UBA2: variants seen among roughly 807,000 people sequenced by gnomAD.
UBA2 encodes the protein SUMO-activating enzyme subunit 2.
In UBA2, 11 loss-of-function variants were observed where a neutral mutation model predicts 77.2. The observed-to-expected ratio is 0.14, with a 90% CI of 0.09 to 0.24. UBA2 has a LOEUF of 0.24. Among genes scored for constraint, UBA2 ranks in the 10% least tolerant of loss-of-function variants. The pLI, the probability that UBA2 is intolerant of heterozygous loss-of-function variation, is 1.00. For synonymous variants in UBA2, 278 were observed against 276.7 expected (o/e 1.00, Z -0.05); for missense variants, 487 against 781.7 (o/e 0.62, Z 4.50).
chr19:34,438,014 G>A (rs1436237761), intron 5 of UBA2, among the ~76,000 whole-genome samples: 1 of 152,144 alleles, frequency 6.6e-6, no homozygotes, highest in Non-Finnish European at 1.5e-5. Flanking sequence ...TTATGCCACT[G>A]TACTCCAGCC....
At chr19:34,434,223 T>TA (rs1417009714) in intron 4 of UBA2, among the ~76,000 whole-genome samples, 3 of 152,190 alleles carry the variant, frequency 2.0e-5, no homozygotes, top group Non-Finnish European at 4.4e-5. Flanking sequence ...GTGATACTCT[T>TA]ACCTCAACCT....
rs776410820 is a variant in UBA2, at chr19:34,454,238, A to AAC, written c.1039-21_1039-20insCA. On this transcript the variant is annotated intron_variant, in intron 10 of 16. Coordinates refer to ENST00000246548, the MANE Select transcript of UBA2 (RefSeq NM_005499.3). Reference sequence around the variant, plus strand: ...TAGTCAATTTGTGGAGAAACTTGTTAAATTGTTTAAATTATTGGCAGGATG... The same window carrying AAC: ...TAGTCAATTTGTGGAGAAACTTGTTAACAATTGTTTAAATTATTGGCAGGATG... 4 of 1,583,276 alleles carry AAC rather than the reference A, an allele frequency of 2.5e-6. No individual in the cohort carries two copies. In the Admixed American group the frequency reaches 7.3e-5, roughly 29 times the overall value.
At chr19:34,460,665 AGAGAGTG>A in intron 14 of UBA2, 99 bp downstream of exon 14, 1 of 819,310 alleles carries the variant, frequency 1.2e-6, no homozygotes, top group Non-Finnish European at 1.8e-6. Context: ...TCAGTATTGC[AGAGAGTG>A]GCAGTGTTTG....
At chr19:34,443,109 A>G (rs1341833010) in intron 6 of UBA2, among the ~76,000 whole-genome samples, 1 of 152,226 alleles carries the variant, frequency 6.6e-6, no homozygotes, top group Non-Finnish European at 1.5e-5. Flanking sequence ...CTACCATGAA[A>G]AAAAGTTAAT....
chr19:34,465,629 C>T (rs1483531276), intron 15 of UBA2, among the ~76,000 whole-genome samples: 2 of 108,918 alleles, frequency 1.8e-5, no homozygotes, highest in Non-Finnish European at 3.9e-5. Flanking sequence ...GAGGGGGACT[C>T]CATGTCAGAA....
chr19:34,440,925 C>CAA (rs569153016), intron 6 of UBA2, among the ~76,000 whole-genome samples: 89 of 64,342 alleles, frequency 1.4e-3, no homozygotes, highest in Middle Eastern at 9.1e-3. Context: ...GACTCCATCT[C>CAA]AAAAAAAAAA....
rs758774789 is a variant in UBA2, at chr19:34,428,396, C to T, written c.-37C>T. 2 of 1,235,288 alleles carry T rather than the reference C, an allele frequency of 1.6e-6. No individual in the cohort carries two copies. Among genetic ancestry groups the T allele is most frequent in the Non-Finnish European group, 2.0e-6 (2 of 988,520 alleles). The allele number at this position is 1,235,288 out of a possible 1,614,324, so 76.5% of individuals were successfully genotyped here. ...GCTTCCGGCCGCGGCTCGGTTCTCCCGCCTCCGCCTCCGCCGCGGCTCGTG... is the reference window on the plus strand; with the variant it reads ...GCTTCCGGCCGCGGCTCGGTTCTCCTGCCTCCGCCTCCGCCGCGGCTCGTG... On this transcript the variant is annotated 5_prime_UTR_variant, in exon 1 of 17. Transcript: ENST00000246548.
At chr19:34,428,767 C>T (rs1393523238) in intron 1 of UBA2, 197 bp downstream of exon 1, 1 of 1,137,674 alleles carries the variant, frequency 8.8e-7, no homozygotes, top group Non-Finnish European at 1.1e-6. Flanking sequence ...GGCGGGCCTC[C>T]GCTCGCTGGG....
chr19:34,450,508 A>G (rs1205604258), intron 9 of UBA2, 144 bp downstream of exon 9: 2 of 531,220 alleles, frequency 3.8e-6, no homozygotes, highest in African/African-American at 4.0e-5. Flanking sequence ...AAAGTCACTG[A>G]AGTCCCACAC....
chr19:34,455,947 CT>C (rs113812938), intron 12 of UBA2, among the ~76,000 whole-genome samples: 34 of 147,780 alleles, frequency 2.3e-4, no homozygotes, highest in African/African-American at 4.7e-4. Flanking sequence ...TGCGCCCGGC[CT>C]TTTTTTTTTA....
chr19:34,443,175 T>C (rs377689576), intron 6 of UBA2, among the ~76,000 whole-genome samples: 1 of 152,176 alleles, frequency 6.6e-6, no homozygotes, highest in African/African-American at 2.4e-5. Flanking sequence ...CTGAGGTATA[T>C]AATAATGTTT....
chr19:34,436,381 C>T (rs955076216), intron 5 of UBA2, among the ~76,000 whole-genome samples: 1 of 152,096 alleles, frequency 6.6e-6, no homozygotes. Context: ...CTCGCCGCAA[C>T]CTCCGTCTCC....
At chr19:34,432,171 C>T (rs556048470) in intron 3 of UBA2, 9 of 318,026 alleles carry the variant, frequency 2.8e-5, no homozygotes, top group African/African-American at 1.7e-4. Context: ...TTTATAAAGA[C>T]CTTATATGCT....
At chr19:34,431,268 T>TC (rs11417384) in intron 2 of UBA2, among the ~76,000 whole-genome samples, 1 of 139,756 alleles carries the variant, frequency 7.2e-6, no homozygotes, top group South Asian at 2.3e-4. Flanking sequence ...TTTTTTTTTT[T>TC]AGAGATAGGG....
At chr19:34,460,384 G>A (rs1436647569) in intron 13 of UBA2, 86 bp from the exon 14 acceptor site, 4 of 889,844 alleles carry the variant, frequency 4.5e-6, no homozygotes, top group South Asian at 1.7e-5. Context: ...GAAGGGGAAA[G>A]TAAGAGCCTT....
chr19:34,448,282 G>A (rs1357693645), intron 8 of UBA2, among the ~76,000 whole-genome samples: 1 of 152,104 alleles, frequency 6.6e-6, no homozygotes, highest in Non-Finnish European at 1.5e-5. Context: ...CATGTATATG[G>A]TGAAGATCAG....
chr19:34,446,445 C>G (rs184412076), intron 8 of UBA2, among the ~76,000 whole-genome samples: 6 of 152,226 alleles, frequency 3.9e-5, no homozygotes, highest in Non-Finnish European at 5.9e-5. Flanking sequence ...GGATTTTCGT[C>G]TCTGTCCTGT....
In UBA2 at chr19:34,450,241, T is replaced by C. The variant is rs1568376749; in HGVS notation, c.772-24T>C. The C allele has an allele frequency of 1.9e-6, 3 of 1,541,828 alleles. No homozygotes were observed. In the East Asian group the frequency reaches 6.8e-5, roughly 35 times the overall value. ...TATCAATTAGGGATTATGGGGTTCATGGGATCTGTCTTTCTTTTGTAAGCT... is the reference window on the plus strand; with the variant it reads ...TATCAATTAGGGATTATGGGGTTCACGGGATCTGTCTTTCTTTTGTAAGCT... On this transcript the variant is annotated intron_variant, in intron 8 of 16. Coordinates refer to ENST00000246548, the MANE Select transcript of UBA2 (RefSeq NM_005499.3).
chr19:34,450,470 C>A, intron 9 of UBA2, 106 bp downstream of exon 9: 3 of 658,038 alleles, frequency 4.6e-6, no homozygotes, highest in Non-Finnish European at 7.3e-6. Flanking sequence ...TTCATATATT[C>A]AAACAGTGCA....
Sources: gnomAD v4.1 joint callset for allele counts (sites outside exome capture counted in the v4.1 genomes callset) on GRCh38, gnomAD v4.1.1 for gene constraint, MANE v1.5 for transcripts, NCBI Gene and HGNC (gene_info 2026-07-23, HGNC 2026-07-21) for gene names.